FRMPD2: variants seen among roughly 807,000 people sequenced by gnomAD.
The protein encoded by FRMPD2 is FERM and PDZ domain containing 2.
FRMPD2 carries 96 observed loss-of-function variants against 140.1 expected under a neutral mutation model. The observed-to-expected ratio is 0.69, with a 90% CI of 0.58 to 0.81. The LOEUF (loss-of-function observed/expected upper bound fraction) is 0.81, where lower values mean the gene tolerates loss of function less well. Ranked by LOEUF, FRMPD2 falls within the 40% of genes least tolerant of loss-of-function variation. The pLI is 0.00. For synonymous variants in FRMPD2, 449 were observed against 547.6 expected, an observed-to-expected ratio of 0.82 and a Z score of 2.52; for missense variants, 1,240 against 1,447.4, an observed-to-expected ratio of 0.86 and a Z score of 2.32.
In FRMPD2 at chr10:48,242,218, G is replaced by T; in HGVS notation, c.510C>A (p.Ala170=). The stretch of plus-strand genomic sequence containing the variant: ...GCCTTCTGATGTGGAGACCAGCAGG[G>T]GCTGGGTAGACAGACACTTCTTTCT... ...VHEKEVSVYP[A]PAGLHIRRLV... The change falls in exon 5 of 29, where the codon GCC becomes GCA. Residue 170 remains alanine (A), a synonymous_variant. Coordinates refer to ENST00000374201, the MANE Select transcript of FRMPD2 (RefSeq NM_001018071.4). 1.2e-6 allele frequency: 2 copies of T among 1,614,178 alleles called. No individual in the cohort carries two copies. The highest frequency in any genetic ancestry group is 1.7e-6 in the Non-Finnish European group (2 of 1,180,022).
chr10:48,207,028 C>A (rs1180104605), intron 13 of FRMPD2, 95 bp from the exon 14 acceptor site: 5 of 1,063,812 alleles, frequency 4.7e-6, no homozygotes, highest in South Asian at 2.0e-5. Flanking sequence ...CACTGATAGG[C>A]GTTCTGAAAA....
At chr10:48,260,708 T>C (rs1234833661) in intron 1 of FRMPD2, among the ~76,000 whole-genome samples, 2 of 152,188 alleles carry the variant, frequency 1.3e-5, no homozygotes, top group South Asian at 2.1e-4. Context: ...CAGTTCCTAT[T>C]ACCCCATACA....
chr10:48,219,922 G>T (rs1279031721), intron 12 of FRMPD2, among the ~76,000 whole-genome samples: 1 of 152,124 alleles, frequency 6.6e-6, no homozygotes, highest in Non-Finnish European at 1.5e-5. Context: ...ACACGTCTGG[G>T]CTCAAATTTA....
At chr10:48,210,798 G>T (rs1164430258) in intron 13 of FRMPD2, among the ~76,000 whole-genome samples, 4 of 152,246 alleles carry the variant, frequency 2.6e-5, no homozygotes, top group Admixed American at 6.5e-5. Flanking sequence ...CCAACCTCAT[G>T]TTGGCTGTTC....
At chr10:48,244,528 G>T (rs901489256) in intron 4 of FRMPD2, among the ~76,000 whole-genome samples, 1 of 152,190 alleles carries the variant, frequency 6.6e-6, no homozygotes, top group South Asian at 2.1e-4. Context: ...TCCTCTGAGC[G>T]GAGATGGCCA....
chr10:48,241,940 CT>C, intron 5 of FRMPD2: 1 of 346,042 alleles, frequency 2.9e-6, no homozygotes. Context: ...TTTGTTAGCA[CT>C]GCCCAATAGA....
rs371766989 is a variant in FRMPD2, at chr10:48,222,293, C to T, written c.1455+20G>A. The T allele has an allele frequency of 1.8e-5, 29 of 1,610,078 alleles. No individual in the cohort carries two copies. In the African/African-American group the frequency reaches 3.7e-4, roughly 21 times the overall value. ...TTTTTCCAGTGACCCCACACAAAGGCCCCTGGTGTTCACCCCTACCTCCTT... is the reference window on the plus strand; with the variant it reads ...TTTTTCCAGTGACCCCACACAAAGGTCCCTGGTGTTCACCCCTACCTCCTT... On this transcript the variant is annotated intron_variant, in intron 12 of 28. Coordinates refer to ENST00000374201, the MANE Select transcript of FRMPD2 (RefSeq NM_001018071.4).
In FRMPD2 at chr10:48,206,371, C is replaced by T. The variant is rs1481802323; in HGVS notation, c.1797+377G>A. ...GTTTCAAAACCTTTCAGGCTCCACT[C>T]AACCTAAACTACACTCTCAACCCCC... On this transcript the variant is annotated intron_variant, in intron 14 of 28. Coordinates refer to ENST00000374201, the MANE Select transcript of FRMPD2 (RefSeq NM_001018071.4). Among the ~76,000 whole-genome samples, 3 of 152,182 alleles carry T rather than the reference C, an allele frequency of 2.0e-5. No individual in the cohort carries two copies. In the South Asian group the frequency reaches 6.2e-4, roughly 32 times the overall value.
At chr10:48,198,425 C>T (rs930193238) in intron 15 of FRMPD2, among the ~76,000 whole-genome samples, 1 of 152,048 alleles carries the variant, frequency 6.6e-6, no homozygotes, top group Non-Finnish European at 1.5e-5. Flanking sequence ...AATTTAATCC[C>T]CCAGTTCTTT....
chr10:48,200,646 C>T (rs1272026166), intron 15 of FRMPD2, among the ~76,000 whole-genome samples: 7 of 152,200 alleles, frequency 4.6e-5, no homozygotes, highest in Admixed American at 4.6e-4. Flanking sequence ...CAGGTATTTC[C>T]ATCATTGAAG....
intron 12 of FRMPD2, among the ~76,000 whole-genome samples, chr10:48,218,581 C>A (rs1839508192): frequency 6.6e-6 from 1 of 152,172 alleles, no homozygotes; most frequent in Non-Finnish European, 1.5e-5. Context: ...AGCATAACAT[C>A]TCCCTACACA....
intron 12 of FRMPD2, among the ~76,000 whole-genome samples, chr10:48,213,635 T>C (rs1410886813): frequency 6.6e-6 from 1 of 151,990 alleles, no homozygotes; most frequent in Non-Finnish European, 1.5e-5. Context: ...TGAAATATTG[T>C]CCAGTGCTAA....
At chr10:48,181,884 T>TCAGA in intron 20 of FRMPD2, among the ~76,000 whole-genome samples, 2 of 13,464 alleles carry the variant, frequency 1.5e-4, no homozygotes, top group African/African-American at 2.6e-4. Flanking sequence ...TATATGGCTC[T>TCAGA]CATACACACA....
intron 1 of FRMPD2, among the ~76,000 whole-genome samples, chr10:48,252,166 G>T (rs1840400820): frequency 6.6e-6 from 1 of 152,062 alleles, no homozygotes. Flanking sequence ...TTTGGTGCCA[G>T]TACCACCCCT....
intron 3 of FRMPD2, among the ~76,000 whole-genome samples, chr10:48,245,373 T>C (rs1840221720): frequency 6.6e-6 from 1 of 152,212 alleles, no homozygotes; most frequent in Non-Finnish European, 1.5e-5. Flanking sequence ...CTGGCCATTG[T>C]ATTTTAGGCC....
chr10:48,188,856 T>A (rs114992726), intron 16 of FRMPD2, among the ~76,000 whole-genome samples: 170 of 152,310 alleles, frequency 1.1e-3, no homozygotes, highest in African/African-American at 3.8e-3. Flanking sequence ...GAAATGTGAA[T>A]GATTCCACTC....
chr10:48,260,043 G>A (rs1164806813), intron 1 of FRMPD2, among the ~76,000 whole-genome samples: 2 of 151,954 alleles, frequency 1.3e-5, no homozygotes, highest in Non-Finnish European at 2.9e-5. Flanking sequence ...AAGAACTGTG[G>A]AACAATTACA....
At chr10:48,202,109 TG>T (rs978872686) in intron 14 of FRMPD2, among the ~76,000 whole-genome samples, 7 of 151,822 alleles carry the variant, frequency 4.6e-5, no homozygotes, top group African/African-American at 1.7e-4. Flanking sequence ...TAGAGCCTTA[TG>T]AAAAAAAAGT....
chr10:48,237,125 TAAAA>T (rs10563330), intron 8 of FRMPD2, among the ~76,000 whole-genome samples: 1 of 131,604 alleles, frequency 7.6e-6, no homozygotes, highest in Non-Finnish European at 1.7e-5. Context: ...TCCTCACCTT[TAAAA>T]AAAAAAAAAA....
Sources: allele counts gnomAD v4.1 joint callset (sites outside exome capture counted in the v4.1 genomes callset), GRCh38; gene constraint gnomAD v4.1.1; transcripts MANE v1.5; gene names NCBI Gene and HGNC (gene_info 2026-07-23, HGNC 2026-07-21).